Variants in PCDH7 observed in about 807,000 individuals in gnomAD.
PCDH7 encodes the protein protocadherin 7, also known as protocadherin-7.
In PCDH7, 17 loss-of-function variants were observed where a neutral mutation model predicts 58.9. The observed-to-expected ratio is 0.29, with a 90% confidence interval of 0.20 to 0.43. The LOEUF (loss-of-function observed/expected upper bound fraction) is 0.43, where lower values mean the gene tolerates loss of function less well. Among genes scored for constraint, PCDH7 ranks in the 20% least tolerant of loss-of-function variants. PCDH7 has a pLI of 1.00. For synonymous variants in PCDH7, 664 were observed against 616.4 expected (o/e 1.08, Z -1.14); for missense variants, 1,274 against 1,441.0 (o/e 0.88, Z 1.88).
chr4:30,724,288 G>T (rs1485651457), exon 1 of PCDH7: 1 of 1,613,708 alleles, frequency 6.2e-7, no homozygotes, highest in South Asian at 1.1e-5. Context: ...CACTGTGGAG[G>T]CTTCTAAGCC....
chr4:30,858,253 C>T (rs1213358537), intron 1 of PCDH7, among the ~76,000 whole-genome samples: 2 of 152,084 alleles, frequency 1.3e-5, no homozygotes, highest in African/African-American at 4.8e-5. Context: ...TTCTTTATCA[C>T]TAATTCAGCA....
At chr4:30,879,394 T>A (rs1736675633) in intron 1 of PCDH7, among the ~76,000 whole-genome samples, 1 of 152,130 alleles carries the variant, frequency 6.6e-6, no homozygotes, top group Non-Finnish European at 1.5e-5. Flanking sequence ...ATTCTTTAGA[T>A]CAGATGATTT....
intron 3 of PCDH7, among the ~76,000 whole-genome samples, chr4:31,131,417 C>T (rs1718973981): frequency 6.6e-6 from 1 of 152,138 alleles, no homozygotes; most frequent in Non-Finnish European, 1.5e-5. Context: ...CACTCCTGAG[C>T]TCTTCAACAC....
intron 1 of PCDH7, among the ~76,000 whole-genome samples, chr4:30,758,596 A>G (rs761467347): frequency 2.0e-4 from 30 of 152,166 alleles, no homozygotes; most frequent in Admixed American, 9.8e-4. Context: ...GATAAAAACC[A>G]CATCTCCATC....
At chr4:31,121,126 T>C (rs976376304) in intron 3 of PCDH7, among the ~76,000 whole-genome samples, 18 of 152,180 alleles carry the variant, frequency 1.2e-4, no homozygotes, top group Admixed American at 1.2e-3. Context: ...CAGGTCGCTG[T>C]AAAGATAAAG....
intron 1 of PCDH7, among the ~76,000 whole-genome samples, chr4:30,825,042 A>C (rs1051538405): frequency 1.3e-5 from 2 of 152,052 alleles, no homozygotes; most frequent in African/African-American, 4.8e-5. Context: ...ATAGATGTGG[A>C]TGTGTTGTAT....
At chr4:31,039,764 A>G (rs1755699928) in intron 3 of PCDH7, among the ~76,000 whole-genome samples, 2 of 152,338 alleles carry the variant, frequency 1.3e-5, no homozygotes, top group East Asian at 3.9e-4. Flanking sequence ...GTATAGGCAC[A>G]GTTCAAAACG....
chr4:31,079,427 A>G (rs1035971192), intron 3 of PCDH7, among the ~76,000 whole-genome samples: 9 of 146,160 alleles, frequency 6.2e-5, no homozygotes, highest in Non-Finnish European at 1.2e-4. Context: ...GTGGCTGGTA[A>G]ACACATGAAA....
At chr4:31,129,034 A>G (rs1047657868) in intron 3 of PCDH7, among the ~76,000 whole-genome samples, 2 of 152,208 alleles carry the variant, frequency 1.3e-5, no homozygotes, top group Non-Finnish European at 2.9e-5. Flanking sequence ...GTGAAGGTAG[A>G]TATAATCATC....
chr4:30,882,137 T>TCCTCCCCCTC (rs1359922617), intron 1 of PCDH7, among the ~76,000 whole-genome samples: 3 of 137,258 alleles, frequency 2.2e-5, no homozygotes, highest in Non-Finnish European at 3.1e-5. Flanking sequence ...CTCTCCCTCT[T>TCCTCCCCCTC]CCTCCCCCTC....
At chr4:30,925,529 G>A (rs564035701) in intron 2 of PCDH7, among the ~76,000 whole-genome samples, 20 of 151,924 alleles carry the variant, frequency 1.3e-4, no homozygotes, top group East Asian at 3.9e-4. Context: ...ACCTTTTTTC[G>A]TCTTCTGCAG....
At chr4:30,772,381 T>A (rs1275427149) in intron 1 of PCDH7, among the ~76,000 whole-genome samples, 3 of 152,234 alleles carry the variant, frequency 2.0e-5, no homozygotes, top group Non-Finnish European at 4.4e-5. Flanking sequence ...CCATCATGTG[T>A]ATTCTGTCTC....
At chr4:30,752,764 T>C (rs1235318872) in intron 1 of PCDH7, among the ~76,000 whole-genome samples, 1 of 138,410 alleles carries the variant, frequency 7.2e-6, no homozygotes, top group Non-Finnish European at 1.5e-5. Flanking sequence ...CAGTCCTATC[T>C]TCCTCTTACC....
At chr4:31,063,398 T>C (rs1370778920) in intron 3 of PCDH7, among the ~76,000 whole-genome samples, 3 of 151,874 alleles carry the variant, frequency 2.0e-5, no homozygotes, top group East Asian at 3.9e-4. Context: ...CCACAAAATA[T>C]TTTACAAAAA....
At chr4:31,053,263 T>C (rs1224269772) in intron 3 of PCDH7, among the ~76,000 whole-genome samples, 1 of 152,174 alleles carries the variant, frequency 6.6e-6, no homozygotes, top group Non-Finnish European at 1.5e-5. Flanking sequence ...CCCAAAGTCC[T>C]TCTTCACCCC....
chr4:31,053,165 G>T (rs984621094), intron 3 of PCDH7, among the ~76,000 whole-genome samples: 1 of 151,908 alleles, frequency 6.6e-6, no homozygotes, highest in Admixed American at 6.6e-5. Flanking sequence ...TTGTCTTCTT[G>T]CCTCTACCTC....
At chr4:31,003,309 TTA>T in intron 3 of PCDH7, among the ~76,000 whole-genome samples, 1 of 152,252 alleles carries the variant, frequency 6.6e-6, no homozygotes, top group African/African-American at 2.4e-5. Flanking sequence ...CCAAGAAATT[TTA>T]TGTCTAGAGA....
chr4:30,815,899 G>A (rs1727612200), intron 1 of PCDH7, among the ~76,000 whole-genome samples: 1 of 152,164 alleles, frequency 6.6e-6, no homozygotes, highest in Admixed American at 6.5e-5. Context: ...TCAGGGGAGG[G>A]CCCTGTCCTG....
chr4:31,137,519 G>A (rs905285118), intron 3 of PCDH7, among the ~76,000 whole-genome samples: 1 of 152,194 alleles, frequency 6.6e-6, no homozygotes, highest in Non-Finnish European at 1.5e-5. Context: ...AGGAGGCAGA[G>A]GTTGCAATGA....
Sources: allele counts gnomAD v4.1 joint callset (sites outside exome capture counted in the v4.1 genomes callset), GRCh38; gene constraint gnomAD v4.1.1; transcripts MANE v1.5; gene names NCBI Gene and HGNC (gene_info 2026-07-23, HGNC 2026-07-21).